Variants in ABCC6 observed in about 807,000 individuals in gnomAD.
The protein encoded by ABCC6 is ATP binding cassette subfamily C member 6.
In ABCC6, 126 loss-of-function variants were observed where a neutral mutation model predicts 169.5. The ratio of observed to expected loss-of-function variants is 0.74; its 90% CI spans 0.64 to 0.86. The LOEUF (loss-of-function observed/expected upper bound fraction) is 0.86, where lower values mean the gene tolerates loss of function less well. Ranked by LOEUF, ABCC6 falls within the 40% of genes least tolerant of loss-of-function variation. ABCC6 has a pLI of 0.00. For missense variants in ABCC6, 1,733 were observed against 1,927.2 expected (o/e 0.90, Z 1.89); for synonymous variants, 752 against 814.7 (o/e 0.92, Z 1.31).
chr16:16,173,246 G>A (rs779218901), intron 21 of ABCC6, 38 bp downstream of exon 21: 17 of 1,607,898 alleles, frequency 1.1e-5, no homozygotes, highest in Non-Finnish European at 1.4e-5. Context: ...GGAGGTGGCA[G>A]CAGTGGGTGG....
At chr16:16,169,510 C>T in intron 22 of ABCC6, 136 bp downstream of exon 22, 6 of 1,031,742 alleles carry the variant, frequency 5.8e-6, no homozygotes, top group Non-Finnish European at 8.9e-6. Context: ...GGACGCAGAT[C>T]TTTGCCTGGA....
intron 11 of ABCC6, among the ~76,000 whole-genome samples, chr16:16,191,150 C>T (rs886128502): frequency 1.3e-5 from 2 of 152,044 alleles, no homozygotes; most frequent in Non-Finnish European, 2.9e-5. Flanking sequence ...GAGTCTTCCT[C>T]TGTCGCCCAG....
intron 13 of ABCC6, among the ~76,000 whole-genome samples, chr16:16,188,555 A>T (rs1172871266): frequency 6.6e-6 from 1 of 152,128 alleles, no homozygotes; most frequent in African/African-American, 2.4e-5. Context: ...TTGTATGTGG[A>T]ATTGCTGGGC....
In ABCC6 at chr16:16,213,925, C is replaced by T. The variant is rs555734549; in HGVS notation, c.600+399G>A. On this transcript the variant is annotated intron_variant, in intron 5 of 30. Coordinates refer to ENST00000205557, the MANE Select transcript of ABCC6 (RefSeq NM_001171.6). ...GGTTCCCCTGCTTGACCAGTAGCTA[C>T]GTGAGAACAGAAACTCTATCTGCTT... Among the ~76,000 whole-genome samples the T allele has an allele frequency of 7.4e-5, 11 of 148,118 alleles. No homozygotes were observed. In the South Asian group the frequency reaches 1.7e-3, roughly 24 times the overall value.
At chr16:16,170,938 A>AAAAG (rs1305085072) in intron 21 of ABCC6, among the ~76,000 whole-genome samples, 8 of 116,184 alleles carry the variant, frequency 6.9e-5, no homozygotes, top group African/African-American at 2.6e-4. Context: ...AAAAAAAAAA[A>AAAAG]AAAGAAAGAA....
chr16:16,158,053 C>G (rs2046607666), intron 26 of ABCC6, among the ~76,000 whole-genome samples: 1 of 152,106 alleles, frequency 6.6e-6, no homozygotes, highest in Non-Finnish European at 1.5e-5. Flanking sequence ...ATAAAATAAT[C>G]TCTTTTTCTA....
At chr16:16,218,256 CAG>C (rs1441473550) in intron 4 of ABCC6, among the ~76,000 whole-genome samples, 2 of 131,404 alleles carry the variant, frequency 1.5e-5, no homozygotes, top group African/African-American at 5.9e-5. Flanking sequence ...AGGCTGAGGT[CAG>C]AGAATTGCTC....
chr16:16,195,859 CA>C (rs2048020514), intron 10 of ABCC6, among the ~76,000 whole-genome samples: 1 of 152,178 alleles, frequency 6.6e-6, no homozygotes, highest in African/African-American at 2.4e-5. Flanking sequence ...CAATCATATG[CA>C]TGAGCATTCG....
At position 16,221,104 on chromosome 16, in the gene ABCC6, G is replaced by A. The variant is rs2049055473; in HGVS notation, c.219+545C>T. Reference sequence around the variant, plus strand: ...GTGATAATGTAAAAATTAATACAATGGCAGAAGAATGAATGAACTCTGAAG... The same window carrying A: ...GTGATAATGTAAAAATTAATACAATAGCAGAAGAATGAATGAACTCTGAAG... On this transcript the variant is annotated intron_variant, in intron 2 of 30. Transcript: ENST00000205557. 15 of 791,630 alleles carry A rather than the reference G, an allele frequency of 1.9e-5. No homozygotes were observed. The South Asian group carries it at 8.5e-4, about 45-fold the overall frequency. The allele number at this position is 791,630 out of a possible 1,614,324, so 49.0% of individuals were successfully genotyped here. A position where few individuals can be genotyped will look rare whatever the true frequency, so the allele number is the denominator to read the frequency against.
At chr16:16,198,780 G>T (rs570443762) in intron 9 of ABCC6, among the ~76,000 whole-genome samples, 1 of 151,570 alleles carries the variant, frequency 6.6e-6, no homozygotes, top group African/African-American at 2.4e-5. Flanking sequence ...GATCACCTGA[G>T]GTCAGGAGGT....
chr16:16,187,379 G>A (rs2047684184), intron 13 of ABCC6, among the ~76,000 whole-genome samples, 168 bp from the exon 14 acceptor site: 1 of 152,194 alleles, frequency 6.6e-6, no homozygotes, highest in African/African-American at 2.4e-5. Context: ...CAACCCGAGT[G>A]GTGACCTTGA....
At chr16:16,151,273 A>AT (rs1470386578) in intron 29 of ABCC6, among the ~76,000 whole-genome samples, 26 of 151,810 alleles carry the variant, frequency 1.7e-4, no homozygotes, top group Non-Finnish European at 3.4e-4. Context: ...TGTTGGTCCG[A>AT]CTTGTTTGAA....
rs72653748 is a variant in ABCC6 at position 16,159,495 on chromosome 16, C to T, written c.3722G>A (p.Trp1241Ter). The T allele has an allele frequency of 3.1e-6, 5 of 1,613,934 alleles. No individual in the cohort carries two copies. The highest frequency in any genetic ancestry group is 3.3e-4 in the Middle Eastern group (2 of 6,084). The change falls in exon 26 of 31, where the codon TGG becomes TAG. Residue 1241 changes from tryptophan (W) to a stop codon, truncating the protein, a stop_gained. Coordinates refer to ENST00000205557, the MANE Select transcript of ABCC6 (RefSeq NM_001171.6). LOFTEE classifies it high-confidence loss of function. ...VSVERMQDYA[W>*]TPKEAPWRLP... ...CCCGCCCATCACCTCCTTGGGCGTC[C>T]AGGCATAGTCCTGCATCCGCTCCAC...
chr16:16,170,842 C>T (rs1034437203), intron 21 of ABCC6, among the ~76,000 whole-genome samples: 5 of 135,300 alleles, frequency 3.7e-5, no homozygotes. Flanking sequence ...TCGTTTGAAG[C>T]CAGGAGGTGG....
In ABCC6 at chr16:16,188,847, A is replaced by C. The variant is rs750497192; in HGVS notation, c.1763T>G (p.Ile588Ser). Residue 588 changes from isoleucine to serine, a missense_variant, in exon 13 of 31, where the codon ATC becomes AGC. Ile to Ser is a moderately radical substitution (Grantham distance 142). This residue lies in a region of ABCC6 where 1,601 missense variants were observed against 1,635.5 expected (regional missense o/e 0.98). Transcript: ENST00000205557. ...CCACCTCACCTGGACGAGGGAGTGG[A>C]TGGAGAAGGGCAGGAAAGCCTGGGC... Reference protein sequence around the residue: ...NKAQAFLPFSIHSLVQARVSF... With the variant: ...NKAQAFLPFSSHSLVQARVSF... 3 of 1,613,948 alleles carry C rather than the reference A, an allele frequency of 1.9e-6. No individual in the cohort carries two copies. The South Asian group carries it at 3.3e-5, about 18-fold the overall frequency.
intron 7 of ABCC6, among the ~76,000 whole-genome samples, chr16:16,205,635 C>G (rs923263906): frequency 6.6e-6 from 1 of 152,114 alleles, no homozygotes; most frequent in African/African-American, 2.4e-5. Context: ...GATGCCCCTT[C>G]CATACAGAGA....
intron 17 of ABCC6, 118 bp downstream of exon 17, chr16:16,182,294 C>G: frequency 7.4e-7 from 1 of 1,359,814 alleles, no homozygotes; most frequent in Non-Finnish European, 1.0e-6. Flanking sequence ...CCTTTTTCTC[C>G]GCTACTTCCC....
rs762665355 is a variant in ABCC6 at position 16,182,907 on chromosome 16, C to G, written c.1967G>C (p.Gly656Ala). 6.2e-7 allele frequency: 1 copy of G among 1,613,796 alleles called. No homozygotes were observed. Among genetic ancestry groups the G allele is most frequent in the Non-Finnish European group, 8.5e-7 (1 of 1,179,958 alleles). ...LHRINLTVPQGCLLAVVGPVG... is the reference protein window; with the variant it reads ...LHRINLTVPQACLLAVVGPVG... ...TGGACCGACAACAGCCAGCAGACAG[C>G]CCTGGGGCACCGTGAGGTTTATTCT... The change falls in exon 16 of 31, where the codon GGC becomes GCC. Residue 656 changes from glycine to alanine, a missense_variant. Gly to Ala is a moderately conservative substitution (Grantham distance 60). Around this residue, in one of 5 missense-constraint regions of ABCC6, gnomAD observed 1,601 missense variants for 1,635.5 expected, o/e 0.98. Transcript: ENST00000205557.
Position 16,203,445 on chromosome 16 carries a change from A to G in ABCC6, c.963T>C (p.Ser321=). The change falls in exon 8 of 31, where the codon AGT becomes AGC. Residue 321 remains serine, a synonymous_variant. Coordinates refer to ENST00000205557, the MANE Select transcript of ABCC6 (RefSeq NM_001171.6). ...FLLGTLSLII[S]DVFRFTVPKL... ...TGGGGACAGTGAACCTGAAGACATCACTGATGATGAGGCTGAGGGTCCCCA... is the reference window on the plus strand; with the variant it reads ...TGGGGACAGTGAACCTGAAGACATCGCTGATGATGAGGCTGAGGGTCCCCA... The G allele has an allele frequency of 6.2e-7, 1 of 1,613,896 alleles. No individual in the cohort carries two copies. Among genetic ancestry groups the G allele is most frequent in the Non-Finnish European group, 8.5e-7 (1 of 1,179,856 alleles).
Sources: gnomAD v4.1 joint callset for allele counts (sites outside exome capture counted in the v4.1 genomes callset) on GRCh38, gnomAD v4.1.1 for gene constraint, gnomAD v4.1.1 regional missense constraint, MANE v1.5 for transcripts, NCBI Gene and HGNC (gene_info 2026-07-23, HGNC 2026-07-21) for gene names.